The following NTN1 variants were observed in gnomAD, a reference collection of about 807,000 sequenced individuals.
NTN1 encodes netrin-1.
Under a neutral mutation model 54.2 loss-of-function variants are expected in NTN1, and 11 were observed. That is an observed-to-expected ratio of 0.20 (90% CI 0.13 to 0.34). NTN1 has a LOEUF of 0.34. Ranked by LOEUF, NTN1 falls within the 10% of genes least tolerant of loss-of-function variation. The probability of loss-of-function intolerance (pLI) is 1.00; values close to 1 mark genes in which losing one functional copy is unlikely to be tolerated. For missense variants in NTN1, 740 were observed against 893.1 expected, an observed-to-expected ratio of 0.83 and a Z score of 2.18; for synonymous variants, 371 against 382.0, an observed-to-expected ratio of 0.97 and a Z score of 0.33.
intron 2 of NTN1, among the ~76,000 whole-genome samples, chr17:9,162,490 A>C (rs576200511): frequency 6.6e-6 from 1 of 152,286 alleles, no homozygotes; most frequent in African/African-American, 2.4e-5. Flanking sequence ...ACAACGACAC[A>C]GTCATACTGG....
At chr17:9,160,499 G>A (rs1453117896) in intron 2 of NTN1, among the ~76,000 whole-genome samples, 1 of 152,148 alleles carries the variant, frequency 6.6e-6, no homozygotes, top group Non-Finnish European at 1.5e-5. Flanking sequence ...ATGTATAAAA[G>A]TATGATCCGT....
At chr17:9,094,170 C>G (rs2092122613) in intron 2 of NTN1, among the ~76,000 whole-genome samples, 1 of 152,140 alleles carries the variant, frequency 6.6e-6, no homozygotes, top group African/African-American at 2.4e-5. Context: ...CTTTTTAAAA[C>G]TTACTGATAT....
rs1905357876 is a variant in NTN1, at chr17:9,221,619, G to A, written c.1486+377G>A. ...GACCCGAGTCCACGTGGCTCAAAGG[G>A]AAGCTCTCTGGGCATCAGACAAGGG... On this transcript the variant is annotated intron_variant, in intron 6 of 6. Coordinates refer to ENST00000173229, the MANE Select transcript of NTN1 (RefSeq NM_004822.3). This position sits in a 1 kb window ranked among gnomAD's most constrained non-coding sequence, Gnocchi z 4.5. 6.6e-6 allele frequency among the ~76,000 whole-genome samples: 1 copy of A among 152,212 alleles called. No homozygotes were observed. The highest frequency in any genetic ancestry group is 2.4e-5 in the African/African-American group (1 of 41,452).
chr17:9,023,486 A>G lies in NTN1; in HGVS notation c.1018+95A>G, dbSNP rs1216861142. On this transcript the variant is annotated intron_variant, in intron 2 of 6. Transcript: ENST00000173229. ...GGCGAGTTCATAGGAGCGCGGGTCG[A>G]GGGAACGGCGGGAGGCGCGTTCGCC... is the stretch of plus-strand genomic sequence containing the variant. 3 of 1,292,272 alleles carry G rather than the reference A, an allele frequency of 2.3e-6. No individual in the cohort carries two copies. The East Asian group carries it at 9.4e-5, about 40-fold the overall frequency. The allele number at this position is 1,292,272 out of a possible 1,614,324, so 80.1% of individuals were successfully genotyped here. A position where few individuals can be genotyped will look rare whatever the true frequency, so the allele number is the denominator to read the frequency against.
At chr17:9,110,979 G>A (rs2092188430) in intron 2 of NTN1, among the ~76,000 whole-genome samples, 1 of 138,946 alleles carries the variant, frequency 7.2e-6, no homozygotes, top group Non-Finnish European at 1.5e-5. Context: ...CTGTTGCTCA[G>A]GCAGGAGTGC....
At position 9,162,979 on chromosome 17, in the gene NTN1, C is replaced by A; in HGVS notation, c.1185C>A (p.Ile395=). The change falls in exon 3 of 7, where the codon ATC becomes ATA. Residue 395 remains isoleucine, a synonymous_variant. Coordinates refer to ENST00000173229, the MANE Select transcript of NTN1 (RefSeq NM_004822.3). The part of the protein sequence containing the change: ...EGYYRDMGKP[I]THRKACKACD... ...ACTACCGCGACATGGGCAAGCCCATCACCCACCGGAAGGCCTGCAAAGGTG... is the reference window on the plus strand; with the variant it reads ...ACTACCGCGACATGGGCAAGCCCATAACCCACCGGAAGGCCTGCAAAGGTG... The A allele has an allele frequency of 6.2e-7, 1 of 1,612,050 alleles. No homozygotes were observed. Among genetic ancestry groups the A allele is most frequent in the Non-Finnish European group, 8.5e-7 (1 of 1,179,064 alleles).
intron 3 of NTN1, chr17:9,174,925 G>T: frequency 6.5e-6 from 1 of 152,894 alleles, no homozygotes. Context: ...TGTCCTACCT[G>T]AAGCTGCTCC....
At chr17:9,203,630 T>C (rs7207014) in intron 5 of NTN1, among the ~76,000 whole-genome samples, 56,333 of 151,398 alleles carry the variant, frequency 0.37, 11,005 homozygotes, top group African/African-American at 0.5. Context: ...GAAACCCTGT[T>C]TCTACTAAAA....
At chr17:9,017,251 C>T (rs1181705759), upstream of NTN1, among the ~76,000 whole-genome samples, 1 of 151,976 alleles carries the variant, frequency 6.6e-6, no homozygotes, top group Non-Finnish European at 1.5e-5. Context: ...CTTATATTCA[C>T]ACTTTCTTGA....
chr17:9,158,636 C>A (rs147715347), intron 2 of NTN1, among the ~76,000 whole-genome samples: 69 of 152,336 alleles, frequency 4.5e-4, no homozygotes, highest in South Asian at 1.5e-3. Flanking sequence ...CTGGGCCCCC[C>A]CATTTACTGG....
intron 2 of NTN1, among the ~76,000 whole-genome samples, chr17:9,117,713 C>T (rs867704532): frequency 1.3e-4 from 20 of 148,560 alleles, no homozygotes; most frequent in Non-Finnish European, 2.2e-4. Flanking sequence ...CATTGCACTC[C>T]AGCCTGGGAG....
intron 5 of NTN1, among the ~76,000 whole-genome samples, chr17:9,208,243 A>G (rs974170716): frequency 6.6e-6 from 1 of 152,188 alleles, no homozygotes; most frequent in African/African-American, 2.4e-5. Context: ...AAATAAATAA[A>G]TAAATAAAGC....
At position 9,243,456 on chromosome 17, in the gene NTN1, T is replaced by C. The variant is rs1906293979; in HGVS notation, c.*3488T>C. 1 of 152,096 alleles carries C rather than the reference T, an allele frequency of 6.6e-6. No homozygotes were observed. The allele number at this position is 152,096 out of a possible 1,614,324, so 9.4% of individuals were successfully genotyped here. A position where few individuals can be genotyped will look rare whatever the true frequency, so the allele number is the denominator to read the frequency against. ...GGAATGGTTCCTGCCTTCAGGAAAG[T>C]GAAAGACGCTTAGGCTGTCAACACT... On this transcript the variant is annotated 3_prime_UTR_variant, in exon 7 of 7. Transcript: ENST00000173229.
chr17:9,013,329 G>C, the NTN1 span, among the ~76,000 whole-genome samples: 1 of 147,458 alleles, frequency 6.8e-6, no homozygotes, highest in Middle Eastern at 3.3e-3. Flanking sequence ...CGATTCTCCT[G>C]CCTCAGCCTC....
chr17:9,202,705 TG>T (rs1567737431), intron 5 of NTN1, among the ~76,000 whole-genome samples: 2 of 152,164 alleles, frequency 1.3e-5, no homozygotes, highest in South Asian at 4.1e-4. Context: ...CTCTTCCAAA[TG>T]TATCACCAAC....
In NTN1 at chr17:9,023,105, C is replaced by G. The variant is rs144535726; in HGVS notation, c.732C>G (p.Ala244=). Residue 244 remains alanine (A), a synonymous_variant, in exon 2 of 7, where the codon GCC becomes GCG. Transcript: ENST00000173229. ...NSPVLQDWVT[A]TDIRVAFSRL... ...CCGTGCTGCAGGACTGGGTCACGGC[C>G]ACAGACATCCGCGTGGCCTTCAGCC... The G allele has an allele frequency of 1.7e-4, 268 of 1,568,094 alleles. No individual in the cohort carries two copies. The highest frequency in any genetic ancestry group is 1.4e-3 in the African/African-American group (100 of 74,024).
In NTN1 at chr17:9,219,787, C is replaced by A. The variant is rs528041313; in HGVS notation, c.1412-1381C>A. ...ACCTTGACCTTTGTTTTCCCCTCTG[C>A]GGGATAGGACGCTGCCACCTGCCCC... is the stretch of plus-strand genomic sequence containing the variant. On this transcript the variant is annotated intron_variant, in intron 5 of 6. Coordinates refer to ENST00000173229, the MANE Select transcript of NTN1 (RefSeq NM_004822.3). The surrounding 1 kb of genome is among the most constrained non-coding windows in gnomAD (Gnocchi z 4.5). 1.3e-5 allele frequency among the ~76,000 whole-genome samples: 2 copies of A among 152,214 alleles called. No homozygotes were observed. The highest frequency in any genetic ancestry group is 2.9e-5 in the Non-Finnish European group (2 of 68,038).
chr17:9,196,486 C>CCT (rs1441254018), intron 5 of NTN1, among the ~76,000 whole-genome samples: 3 of 152,224 alleles, frequency 2.0e-5, no homozygotes, highest in African/African-American at 7.2e-5. Context: ...GCAGGATTTT[C>CCT]CTCTCGGCAG....
rs1906278577 is a variant in NTN1 at position 9,243,119 on chromosome 17, CGAA to C, written c.*3154_*3156del. 1 of 152,186 alleles carries C rather than the reference CGAA, an allele frequency of 6.6e-6. No homozygotes were observed. The highest frequency in any genetic ancestry group is 6.5e-5 in the Admixed American group (1 of 15,274). 9.4% of individuals were successfully genotyped at this position (152,186 alleles called of 1,614,324 possible). ...CTGCTTTACGGACACGCAGTAATGC[CGAA>C]GATTTGCGGGGGAGGACATAGGGCT... On this transcript the variant is annotated 3_prime_UTR_variant, in exon 7 of 7. Transcript: ENST00000173229.
Sources: allele counts gnomAD v4.1 joint callset (sites outside exome capture counted in the v4.1 genomes callset), GRCh38; gene constraint gnomAD v4.1.1; non-coding constraint Gnocchi (gnomAD v3.1); transcripts MANE v1.5; gene names NCBI Gene and HGNC (gene_info 2026-07-23, HGNC 2026-07-21).